NPFFR1: variants seen among roughly 807,000 people sequenced by gnomAD.
The protein encoded by NPFFR1 is neuropeptide FF receptor 1.
In NPFFR1, 17 loss-of-function variants were observed where a neutral mutation model predicts 12.7. That is an observed-to-expected ratio of 1.34 (90% CI 0.92 to 2.01). The LOEUF is 2.01. Among genes scored for constraint, NPFFR1 ranks in the 30% most tolerant of loss-of-function variants. The pLI, the probability that NPFFR1 is intolerant of heterozygous loss-of-function variation, is 0.00. For missense variants in NPFFR1, 604 were observed against 606.5 expected, an observed-to-expected ratio of 1.00 and a Z score of 0.04; for synonymous variants, 296 against 264.5, an observed-to-expected ratio of 1.12 and a Z score of -1.16.
rs865789713 is a variant in NPFFR1, at chr10:70,250,626, A to C, written c.*4331T>G. On this transcript the variant is annotated 3_prime_UTR_variant, in exon 4 of 4. Transcript: ENST00000277942. The stretch of plus-strand genomic sequence containing the variant: ...AATGAATCTTGCAAACATCATTTTA[A>C]GTGAAAGAAACCAGACTCGGCTGCA... 34 of 152,254 alleles carry C rather than the reference A, an allele frequency of 2.2e-4. No individual in the cohort carries two copies. The highest frequency in any genetic ancestry group is 6.8e-4 in the African/African-American group (28 of 41,460). 9.4% of individuals were successfully genotyped at this position (152,254 alleles called of 1,614,324 possible). A position where few individuals can be genotyped will look rare whatever the true frequency, so the allele number is the denominator to read the frequency against.
intron 1 of NPFFR1, among the ~76,000 whole-genome samples, chr10:70,267,571 G>A (rs1289020414): frequency 6.6e-6 from 1 of 152,180 alleles, no homozygotes; most frequent in Admixed American, 6.5e-5. Flanking sequence ...TTAGGACCAG[G>A]CTTTGGTGTG....
chr10:70,262,009 T>C (rs962574262), intron 2 of NPFFR1, among the ~76,000 whole-genome samples: 5 of 152,210 alleles, frequency 3.3e-5, no homozygotes, highest in Non-Finnish European at 5.9e-5. Context: ...AGAAAATATA[T>C]GGTTATTTTC....
In NPFFR1 at chr10:70,255,025, G is replaced by A; in HGVS notation, c.1225C>T (p.His409Tyr). 6.9e-7 allele frequency: 1 copy of A among 1,441,252 alleles called. No homozygotes were observed. Among genetic ancestry groups the A allele is most frequent in the Non-Finnish European group, 9.1e-7 (1 of 1,104,494 alleles). The allele number at this position is 1,441,252 out of a possible 1,614,324, so 89.3% of individuals were successfully genotyped here. A position where few individuals can be genotyped will look rare whatever the true frequency, so the allele number is the denominator to read the frequency against. ...LPLRNGRVAH[H>Y]GLPREGPGCS... ...CCAGGCCCTTCCCTGGGCAAGCCGT[G>A]GTGAGCCACCCGCCCATTCCGCAGC... The change falls in exon 4 of 4, where the codon CAC (histidine) becomes TAC (tyrosine). Residue 409 changes from histidine (H) to tyrosine (Y), a missense_variant. By Grantham distance (83) the His-to-Tyr change is moderately conservative (BLOSUM62 2). Transcript: ENST00000277942. The surrounding 1 kb of genome is among the most constrained non-coding windows in gnomAD (Gnocchi z 4.2).
Position 70,252,723 on chromosome 10 carries a change from A to G in NPFFR1, c.*2234T>C, listed in dbSNP as rs960428597. The G allele has an allele frequency of 6.6e-6, 1 of 152,218 alleles. No individual in the cohort carries two copies. The highest frequency in any genetic ancestry group is 2.4e-5 in the African/African-American group (1 of 41,456). 9.4% of individuals were successfully genotyped at this position (152,218 alleles called of 1,614,324 possible). Reference sequence around the variant, plus strand: ...TAATTGTAACCTTCAGCGAGAGCTGAAGGAGTTTTTTGGGCAGTTATAACC... The same window carrying G: ...TAATTGTAACCTTCAGCGAGAGCTGGAGGAGTTTTTTGGGCAGTTATAACC... On this transcript the variant is annotated 3_prime_UTR_variant, in exon 4 of 4. Coordinates refer to ENST00000277942, the MANE Select transcript of NPFFR1 (RefSeq NM_022146.5).
chr10:70,255,006 C>T lies in NPFFR1; in HGVS notation c.1244G>A (p.Gly415Glu). The change falls in exon 4 of 4, where the codon GGG (glycine) becomes GAG (glutamate). Residue 415 changes from glycine to glutamate, a missense_variant. Coordinates refer to ENST00000277942, the MANE Select transcript of NPFFR1 (RefSeq NM_022146.5). The surrounding 1 kb of genome is among the most constrained non-coding windows in gnomAD (Gnocchi z 4.2). Reference protein sequence around the residue: ...RVAHHGLPREGPGCSHLPLTI... With the variant: ...RVAHHGLPREEPGCSHLPLTI... ...GAGGGGCAGGTGGGAGCAGCCAGGC[C>T]CTTCCCTGGGCAAGCCGTGGTGAGC... 1 of 1,446,880 alleles carries T rather than the reference C, an allele frequency of 6.9e-7. No individual in the cohort carries two copies. 89.6% of individuals were successfully genotyped at this position (1,446,880 alleles called of 1,614,324 possible).
rs1314853471 is a variant in NPFFR1 at position 70,274,711 on chromosome 10, C to T, written c.8-8320G>A. ...GGATGACCTGGGCTTCCTGCCTCTCCCAACCTCATGGAGTTGTTAATACAT... is the reference window on the plus strand; with the variant it reads ...GGATGACCTGGGCTTCCTGCCTCTCTCAACCTCATGGAGTTGTTAATACAT... On this transcript the variant is annotated intron_variant, in intron 1 of 3. Transcript: ENST00000277942. 2.0e-5 allele frequency among the ~76,000 whole-genome samples: 3 copies of T among 152,144 alleles called. No individual in the cohort carries two copies. In the East Asian group the frequency reaches 5.8e-4, roughly 29 times the overall value.
Position 70,248,418 on chromosome 10 carries a change from A to C in NPFFR1, c.*6539T>G, listed in dbSNP as rs183437207. The C allele has an allele frequency of 6.7e-6, 1 of 149,040 alleles. No homozygotes were observed. Among genetic ancestry groups the C allele is most frequent in the African/African-American group, 2.5e-5 (1 of 40,518 alleles). 9.2% of individuals were successfully genotyped at this position (149,040 alleles called of 1,614,324 possible). A position where few individuals can be genotyped will look rare whatever the true frequency, so the allele number is the denominator to read the frequency against. On this transcript the variant is annotated 3_prime_UTR_variant, in exon 4 of 4. Coordinates refer to ENST00000277942, the MANE Select transcript of NPFFR1 (RefSeq NM_022146.5). ...CCTGTCCTCATGGAGCTTATGGTCC[A>C]CTGTGAGAAATAAATAACAGACACA...
rs769782889 is a variant in NPFFR1 at position 70,250,446 on chromosome 10, G to A, written c.*4511C>T. ...CACATACATATAAGGACTTGTACAT[G>A]AATGTTAATGGCAACATTATTAATA... On this transcript the variant is annotated 3_prime_UTR_variant, in exon 4 of 4. Transcript: ENST00000277942. The A allele has an allele frequency of 6.6e-6, 1 of 152,200 alleles. No homozygotes were observed. Among genetic ancestry groups the A allele is most frequent in the Non-Finnish European group, 1.5e-5 (1 of 68,036 alleles). The allele number at this position is 152,200 out of a possible 1,614,324, so 9.4% of individuals were successfully genotyped here. A position where few individuals can be genotyped will look rare whatever the true frequency, so the allele number is the denominator to read the frequency against.
At chr10:70,278,055 G>T (rs564861054) in intron 1 of NPFFR1, 50 of 502,586 alleles carry the variant, frequency 9.9e-5, no homozygotes, top group Admixed American at 5.6e-4. Context: ...GCTCAAGCTG[G>T]ATATGGGAAC....
chr10:70,264,486 A>C (rs563292704), intron 2 of NPFFR1, among the ~76,000 whole-genome samples: 25 of 152,304 alleles, frequency 1.6e-4, no homozygotes, highest in African/African-American at 5.5e-4. Flanking sequence ...ATTGTAGTAC[A>C]TCCATACAAT....
At chr10:70,280,525 T>C (rs995137869) in intron 1 of NPFFR1, among the ~76,000 whole-genome samples, 2 of 152,204 alleles carry the variant, frequency 1.3e-5, no homozygotes, top group African/African-American at 2.4e-5. Context: ...CATTTGTATG[T>C]CTTCTTTCGA....
intron 1 of NPFFR1, among the ~76,000 whole-genome samples, chr10:70,268,017 A>T (rs1011605173): frequency 6.6e-6 from 1 of 152,248 alleles, no homozygotes; most frequent in African/African-American, 2.4e-5. Flanking sequence ...GTAAATGTCA[A>T]ACATGTAGAA....
At chr10:70,279,260 T>C (rs1589916925) in intron 1 of NPFFR1, among the ~76,000 whole-genome samples, 1 of 152,160 alleles carries the variant, frequency 6.6e-6, no homozygotes, top group South Asian at 2.1e-4. Context: ...GATTCTTATG[T>C]TTCAGCCTCC....
chr10:70,259,037 A>C (rs1167332395), intron 3 of NPFFR1, among the ~76,000 whole-genome samples: 2 of 152,210 alleles, frequency 1.3e-5, no homozygotes, highest in Non-Finnish European at 2.9e-5. Flanking sequence ...GGCTTATGTC[A>C]GCACTTTGGG....
chr10:70,261,765 A>G (rs1426508020), intron 2 of NPFFR1, among the ~76,000 whole-genome samples: 1 of 151,566 alleles, frequency 6.6e-6, no homozygotes, highest in Non-Finnish European at 1.5e-5. Flanking sequence ...GGACCCAGAC[A>G]TCAGTTGTTT....
Position 70,266,260 on chromosome 10 carries a change from T to G in NPFFR1, c.139A>C (p.Ile47Leu), listed in dbSNP as rs778795674. ...AGGAAGATGAGCGCATAGGCCACAATGAACATGGCCGCCACAGGGGAGGTG... is the reference window on the plus strand; with the variant it reads ...AGGAAGATGAGCGCATAGGCCACAAGGAACATGGCCGCCACAGGGGAGGTG... ...QHTSPVAAMF[I>L]VAYALIFLLC... The change falls in exon 2 of 4, where the codon ATT becomes CTT. Residue 47 changes from isoleucine to leucine, a missense_variant. Coordinates refer to ENST00000277942, the MANE Select transcript of NPFFR1 (RefSeq NM_022146.5). 2 of 1,613,912 alleles carry G rather than the reference T, an allele frequency of 1.2e-6. No homozygotes were observed. The highest frequency in any genetic ancestry group is 2.2e-5 in the South Asian group (2 of 91,076).
chr10:70,250,644 C>T lies in NPFFR1; in HGVS notation c.*4313G>A, dbSNP rs922077284. The T allele has an allele frequency of 6.6e-6, 1 of 152,210 alleles. No homozygotes were observed. Among genetic ancestry groups the T allele is most frequent in the East Asian group, 1.9e-4 (1 of 5,198 alleles). The allele number at this position is 152,210 out of a possible 1,614,324, so 9.4% of individuals were successfully genotyped here. A position where few individuals can be genotyped will look rare whatever the true frequency, so the allele number is the denominator to read the frequency against. On this transcript the variant is annotated 3_prime_UTR_variant, in exon 4 of 4. Coordinates refer to ENST00000277942, the MANE Select transcript of NPFFR1 (RefSeq NM_022146.5). ...CATTTTAAGTGAAAGAAACCAGACT[C>T]GGCTGCAAACTGTCTGATTCCATCT...
At chr10:70,270,103 T>A (rs1342535901) in intron 1 of NPFFR1, among the ~76,000 whole-genome samples, 2 of 152,244 alleles carry the variant, frequency 1.3e-5, no homozygotes, top group African/African-American at 4.8e-5. Flanking sequence ...AAAGCAAGGA[T>A]CTTCCCTGTC....
In NPFFR1 at chr10:70,283,945, C is replaced by T. The variant is rs1840888549; in HGVS notation, c.-269G>A. ...GGCTCAGCCGCCCGCCGCCCCTCGC[C>T]TCCCGACCAGGGGAAGGAGGGGGCT... On this transcript the variant is annotated 5_prime_UTR_variant, in exon 1 of 4. Coordinates refer to ENST00000277942, the MANE Select transcript of NPFFR1 (RefSeq NM_022146.5). 1.3e-5 allele frequency among the ~76,000 whole-genome samples: 2 copies of T among 152,188 alleles called. No individual in the cohort carries two copies. The highest frequency in any genetic ancestry group is 1.3e-4 in the Admixed American group (2 of 15,282).
Sources: allele counts gnomAD v4.1 joint callset (sites outside exome capture counted in the v4.1 genomes callset), GRCh38; gene constraint gnomAD v4.1.1; non-coding constraint Gnocchi (gnomAD v3.1); transcripts MANE v1.5; gene names NCBI Gene and HGNC (gene_info 2026-07-23, HGNC 2026-07-21).